The following PIK3C2A variants were observed in gnomAD, a reference collection of about 807,000 sequenced individuals.
PIK3C2A encodes the protein phosphatidylinositol 4-phosphate 3-kinase C2 domain-containing subunit alpha.
A neutral mutation model predicts 204.5 loss-of-function variants in PIK3C2A; 97 were observed. The observed-to-expected ratio is 0.47, with a 90% CI of 0.40 to 0.56. The LOEUF (loss-of-function observed/expected upper bound fraction) is 0.56, where lower values mean the gene tolerates loss of function less well. Among genes scored for constraint, PIK3C2A ranks in the 20% least tolerant of loss-of-function variants. The pLI is 0.00. For missense variants in PIK3C2A, 1,735 were observed against 1,969.2 expected, an observed-to-expected ratio of 0.88 and a Z score of 2.25; for synonymous variants, 653 against 664.4, an observed-to-expected ratio of 0.98 and a Z score of 0.26.
intron 1 of PIK3C2A, among the ~76,000 whole-genome samples, chr11:17,191,618 C>T (rs768633907): frequency 6.6e-6 from 1 of 152,130 alleles, no homozygotes; most frequent in Non-Finnish European, 1.5e-5. Flanking sequence ...TTGAAATAAA[C>T]TGTAACCATG....
At chr11:17,108,316 G>C (rs1335503356) in intron 22 of PIK3C2A, among the ~76,000 whole-genome samples, 1 of 152,210 alleles carries the variant, frequency 6.6e-6, no homozygotes, top group African/African-American at 2.4e-5. Flanking sequence ...AAATGTACAA[G>C]TACATAGCTG....
rs1851069344 is a variant in PIK3C2A at position 17,169,090 on chromosome 11, C to T, written c.652G>A (p.Val218Ile). The part of the protein sequence containing the change: ...PQGSLPIYRP[V>I]VSTDMAKLFD... ...AGTTTTGCCATGTCAGTACTGACTA[C>T]TGGACGATAGATAGGTAAGCTTCCT... The change falls in exon 2 of 33, where the codon GTA (valine) becomes ATA (isoleucine). Residue 218 changes from valine (V) to isoleucine (I), a missense_variant. Around this residue, in one of 6 missense-constraint regions of PIK3C2A, gnomAD observed 536 missense variants for 546.7 expected, o/e 0.98. Transcript: ENST00000691414. The T allele has an allele frequency of 1.2e-6, 2 of 1,614,164 alleles. No homozygotes were observed. The highest frequency in any genetic ancestry group is 1.7e-6 in the Non-Finnish European group (2 of 1,180,040).
At chr11:17,188,686 A>G (rs906972020) in intron 1 of PIK3C2A, among the ~76,000 whole-genome samples, 2 of 146,980 alleles carry the variant, frequency 1.4e-5, no homozygotes, top group South Asian at 4.1e-4. Context: ...GGTCTTCACT[A>G]AATACACAGG....
intron 1 of PIK3C2A, among the ~76,000 whole-genome samples, chr11:17,197,467 T>C (rs987843035): frequency 6.6e-5 from 10 of 152,186 alleles, no homozygotes; most frequent in Non-Finnish European, 1.5e-4. Context: ...TAGTCATTAT[T>C]CCTGAAGACT....
chr11:17,207,679 G>C (rs1050978373), intron 1 of PIK3C2A, among the ~76,000 whole-genome samples, 169 bp downstream of exon 1: 1 of 152,102 alleles, frequency 6.6e-6, no homozygotes, highest in Non-Finnish European at 1.5e-5. Flanking sequence ...GGAGGGGGGA[G>C]TCGGGCTGGG....
intron 1 of PIK3C2A, among the ~76,000 whole-genome samples, chr11:17,179,382 A>C (rs1415080608): frequency 6.6e-6 from 1 of 151,794 alleles, no homozygotes; most frequent in Non-Finnish European, 1.5e-5. Context: ...GGCTGGTCTC[A>C]AACTCCTGGC....
intron 18 of PIK3C2A, among the ~76,000 whole-genome samples, 183 bp from the exon 19 acceptor site, chr11:17,117,854 T>C (rs1432246558): frequency 1.1e-4 from 16 of 150,622 alleles, no homozygotes; most frequent in Admixed American, 4.6e-4. Context: ...GCTGGGACTA[T>C]AGGCGCCCGC....
At chr11:17,206,588 T>C (rs1406641861) in intron 1 of PIK3C2A, among the ~76,000 whole-genome samples, 1 of 136,774 alleles carries the variant, frequency 7.3e-6, no homozygotes, top group East Asian at 2.1e-4. Flanking sequence ...CCATGTCAAT[T>C]AAAAAAAAAA....
chr11:17,115,551 G>GAAAAAAAAAA (rs35301968), intron 19 of PIK3C2A: 7 of 93,662 alleles, frequency 7.5e-5, no homozygotes, highest in Admixed American at 1.1e-4. Flanking sequence ...GGAAAAAAAG[G>GAAAAAAAAAA]AAAAAAAAAA....
In PIK3C2A at chr11:17,105,409, G is replaced by C. The variant is rs571345644; in HGVS notation, c.3545-104C>G. The stretch of plus-strand genomic sequence containing the variant: ...CTTTTTAAATTTCACTTTAAGTTCT[G>C]GGATACACGTGCAGAATGTGCAAGT... On this transcript the variant is annotated intron_variant, in intron 22 of 32. Transcript: ENST00000691414. 1.9e-5 allele frequency: 18 copies of C among 963,360 alleles called. No individual in the cohort carries two copies. In the South Asian group the frequency reaches 2.8e-4, roughly 15 times the overall value. 59.7% of individuals were successfully genotyped at this position (963,360 alleles called of 1,614,324 possible).
intron 1 of PIK3C2A, among the ~76,000 whole-genome samples, chr11:17,198,687 G>A (rs993663436): frequency 1.3e-4 from 20 of 152,020 alleles, no homozygotes; most frequent in African/African-American, 4.8e-4. Flanking sequence ...ACCTACTCTG[G>A]AGGCTGAGGC....
At chr11:17,170,254 G>A (rs1851114555) in intron 1 of PIK3C2A, among the ~76,000 whole-genome samples, 1 of 152,114 alleles carries the variant, frequency 6.6e-6, no homozygotes, top group Non-Finnish European at 1.5e-5. Context: ...TTGCTCAAAA[G>A]CCAATTAGCA....
intron 16 of PIK3C2A, 104 bp downstream of exon 16, chr11:17,119,682 T>C (rs747580604): frequency 4.6e-5 from 31 of 669,044 alleles, no homozygotes; most frequent in African/African-American, 9.3e-5. Flanking sequence ...ATTTGGATTA[T>C]ATTGAATTGC....
chr11:17,146,230 T>C (rs971382881), intron 6 of PIK3C2A, among the ~76,000 whole-genome samples: 1 of 152,278 alleles, frequency 6.6e-6, no homozygotes, highest in East Asian at 1.9e-4. Context: ...GTTCTATATA[T>C]AGAGAATAGA....
chr11:17,156,988 A>T (rs1421718758), intron 2 of PIK3C2A, among the ~76,000 whole-genome samples: 1 of 152,096 alleles, frequency 6.6e-6, no homozygotes, highest in Non-Finnish European at 1.5e-5. Flanking sequence ...AATAAAAATA[A>T]TTTTTTATAT....
chr11:17,193,425 TA>T, intron 1 of PIK3C2A: 2 of 307,450 alleles, frequency 6.5e-6, no homozygotes, highest in South Asian at 2.8e-5. Flanking sequence ...AAATTCAACT[TA>T]AAAATTGCTG....
intron 1 of PIK3C2A, among the ~76,000 whole-genome samples, chr11:17,179,067 G>A (rs1011175792): frequency 5.9e-5 from 9 of 152,014 alleles, no homozygotes; most frequent in Non-Finnish European, 7.4e-5. Flanking sequence ...GTTTCACCAC[G>A]TTGGTCAGGC....
At chr11:17,172,787 T>C (rs953877090) in intron 1 of PIK3C2A, among the ~76,000 whole-genome samples, 2 of 152,220 alleles carry the variant, frequency 1.3e-5, no homozygotes, top group Non-Finnish European at 2.9e-5. Flanking sequence ...TCATCATCAA[T>C]GATTACCCTC....
At chr11:17,103,791 C>T (rs577842564) in intron 23 of PIK3C2A, among the ~76,000 whole-genome samples, 4 of 152,306 alleles carry the variant, frequency 2.6e-5, no homozygotes, top group African/African-American at 9.6e-5. Context: ...TATGACTTCA[C>T]TAAGTTATAT....
Sources: allele counts gnomAD v4.1 joint callset (sites outside exome capture counted in the v4.1 genomes callset), GRCh38; gene constraint gnomAD v4.1.1; regional missense constraint gnomAD v4.1.1; transcripts MANE v1.5; gene names NCBI Gene and HGNC (gene_info 2026-07-23, HGNC 2026-07-21).